The following RERE variants were observed in gnomAD, a reference collection of about 807,000 sequenced individuals.
RERE encodes the protein arginine-glutamic acid dipeptide repeats protein.
Under a neutral mutation model 146.1 loss-of-function variants are expected in RERE, and 40 were observed. The ratio of observed to expected loss-of-function variants is 0.27; its 90% confidence interval spans 0.21 to 0.36. The LOEUF (loss-of-function observed/expected upper bound fraction) is 0.36, where lower values mean the gene tolerates loss of function less well. Ranked by LOEUF, RERE falls within the 10% of genes least tolerant of loss-of-function variation. The pLI is 1.00. For synonymous variants in RERE, 1,003 were observed against 866.0 expected (o/e 1.16, Z -2.78); for missense variants, 1,933 against 2,138.7 (o/e 0.90, Z 1.90).
At chr1:8,761,240 G>GT (rs2124531108) in intron 1 of RERE, among the ~76,000 whole-genome samples, 1 of 152,308 alleles carries the variant, frequency 6.6e-6, no homozygotes, top group African/African-American at 2.4e-5. Flanking sequence ...GTTTTGCAAT[G>GT]TGACAAACTT....
At position 8,668,924 on chromosome 1, in the gene RERE, C is replaced by CTGTGTGTGTGTGTGTGTGTGTG. The variant is rs58718828; in HGVS notation, c.-144-12505_-144-12484dup. 5.9e-4 allele frequency among the ~76,000 whole-genome samples: 49 copies of CTGTGTGTGTGTGTGTGTGTGTG among 83,490 alleles called. 4 individuals are homozygous for CTGTGTGTGTGTGTGTGTGTGTG. Among genetic ancestry groups the CTGTGTGTGTGTGTGTGTGTGTG allele is most frequent in the South Asian group, 1.6e-3 (4 of 2,432 alleles). The allele number at this position is 83,490 out of a possible 152,430, so 54.8% of individuals were successfully genotyped here. ...TGAATATTCTAAAATGCACTAAACT[C>CTGTGTGTGTGTGTGTGTGTGTG]TGTGTGTGTGTGTGTGTGTGTGTGT... is the stretch of plus-strand genomic sequence containing the variant. On this transcript the variant is annotated intron_variant, in intron 1 of 22. Transcript: ENST00000400908.
intron 12 of RERE, among the ~76,000 whole-genome samples, chr1:8,389,462 G>A (rs960145705): frequency 6.6e-6 from 1 of 152,126 alleles, no homozygotes; most frequent in Admixed American, 6.6e-5. Context: ...CTGCTGCTGT[G>A]CGGCTCAGTG....
chr1:8,662,901 C>T (rs1187294658), intron 1 of RERE, among the ~76,000 whole-genome samples: 1 of 152,136 alleles, frequency 6.6e-6, no homozygotes, highest in Admixed American at 6.5e-5. Context: ...ACCTATTTCA[C>T]AATGCTGCTG....
At chr1:8,533,900 G>C (rs541947664) in intron 7 of RERE, among the ~76,000 whole-genome samples, 4 of 152,204 alleles carry the variant, frequency 2.6e-5, no homozygotes, top group Non-Finnish European at 5.9e-5. Flanking sequence ...ATGAAAAACA[G>C]GCTTTTGTCC....
intron 4 of RERE, among the ~76,000 whole-genome samples, chr1:8,611,204 C>T (rs1191779694): frequency 6.8e-6 from 1 of 146,470 alleles, no homozygotes; most frequent in Non-Finnish European, 1.5e-5. Flanking sequence ...CAAAAAACAA[C>T]AACAACAAAA....
At position 8,364,199 on chromosome 1, in the gene RERE, G is replaced by A. The variant is rs753832179; in HGVS notation, c.1597C>T (p.Arg533Cys). The change falls in exon 15 of 23, where the codon CGC (arginine) becomes TGC (cysteine). Residue 533 changes from arginine to cysteine, a missense_variant. This residue lies in a region of RERE where 260 missense variants were observed against 378.4 expected (regional missense o/e 0.69). Transcript: ENST00000400908. The surrounding 1 kb of genome is among the most constrained non-coding windows in gnomAD (Gnocchi z 5.1). Reference protein sequence around the residue: ...RENILLCTDCRIHFKKYGELP... With the variant: ...RENILLCTDCCIHFKKYGELP... ...TCACCGTATTTCTTGAAGTGGATGC[G>A]ACAGTCGGTGCAAAGCAGGATGTTC... 1.2e-6 allele frequency: 2 copies of A among 1,614,186 alleles called. No homozygotes were observed. The highest frequency in any genetic ancestry group is 1.7e-6 in the Non-Finnish European group (2 of 1,180,020).
At chr1:8,769,160 T>C (rs559127403) in intron 1 of RERE, among the ~76,000 whole-genome samples, 4 of 152,324 alleles carry the variant, frequency 2.6e-5, no homozygotes, top group African/African-American at 9.6e-5. Context: ...GAGTAAATGT[T>C]TTTTACCCAA....
intron 1 of RERE, among the ~76,000 whole-genome samples, chr1:8,732,868 C>T (rs556743150): frequency 8.4e-6 from 1 of 118,390 alleles, no homozygotes; most frequent in East Asian, 2.9e-4. Flanking sequence ...GTCACCCAGG[C>T]TGGAGTGCAG....
chr1:8,687,128 T>C (rs1400233106), intron 1 of RERE, among the ~76,000 whole-genome samples: 2 of 152,274 alleles, frequency 1.3e-5, no homozygotes, highest in South Asian at 2.1e-4. Flanking sequence ...TGTTTTAAGA[T>C]TGGAGAAAAG....
At chr1:8,362,613 GAATACCAGC>G (rs1399670240) in intron 16 of RERE, 61 bp downstream of exon 16, 1 of 1,586,602 alleles carries the variant, frequency 6.3e-7, no homozygotes, top group Non-Finnish European at 8.6e-7. Flanking sequence ...AGCTGATCAC[GAATACCAGC>G]AAACCAGTTT....
At chr1:8,508,004 G>T (rs931247302) in intron 8 of RERE, among the ~76,000 whole-genome samples, 2 of 152,122 alleles carry the variant, frequency 1.3e-5, no homozygotes, top group Admixed American at 1.3e-4. Flanking sequence ...CTTCCAAAGT[G>T]CTGGGATTAC....
At chr1:8,688,399 T>C (rs1639136885) in intron 1 of RERE, among the ~76,000 whole-genome samples, 1 of 151,928 alleles carries the variant, frequency 6.6e-6, no homozygotes. Flanking sequence ...CCGTCTCTAC[T>C]AAAAATACAA....
At chr1:8,747,374 G>A (rs1005029770) in intron 1 of RERE, among the ~76,000 whole-genome samples, 3 of 152,150 alleles carry the variant, frequency 2.0e-5, no homozygotes, top group African/African-American at 7.2e-5. Flanking sequence ...GGGCATGGAA[G>A]TGGGAGGTGG....
Position 8,514,730 on chromosome 1 carries a change from C to CA in RERE, c.831-6056dup, listed in dbSNP as rs202000113. Among the ~76,000 whole-genome samples the CA allele has an allele frequency of 2.7e-3, 368 of 136,966 alleles. 2 individuals carry two copies. Among genetic ancestry groups the CA allele is most frequent in the Non-Finnish European group, 4.2e-3 (264 of 62,764 alleles). The allele number at this position is 136,966 out of a possible 152,430, so 89.9% of individuals were successfully genotyped here. On this transcript the variant is annotated intron_variant, in intron 7 of 22. Transcript: ENST00000400908. ...GCAAAAAAAGAATGAAACTCCGCCT[C>CA]AAAAAAAAAGAAAGAAAAGAAAAGA...
chr1:8,465,411 G>A, intron 11 of RERE: 1 of 271,696 alleles, frequency 3.7e-6, no homozygotes, highest in South Asian at 3.8e-5. Flanking sequence ...ACCAAGCCAA[G>A]CATGGTAGAG....
intron 2 of RERE, among the ~76,000 whole-genome samples, chr1:8,650,277 A>G (rs1271715620): frequency 1.3e-5 from 2 of 152,204 alleles, no homozygotes; most frequent in Non-Finnish European, 1.5e-5. Context: ...TGGGACAGAA[A>G]AGTATGATTA....
At chr1:8,366,326 C>T (rs1049948285) in intron 12 of RERE, among the ~76,000 whole-genome samples, 5 of 152,238 alleles carry the variant, frequency 3.3e-5, no homozygotes, top group African/African-American at 7.2e-5. Context: ...TTCCTGCCCA[C>T]GAGGAGCTTA....
intron 1 of RERE, among the ~76,000 whole-genome samples, chr1:8,800,382 TA>T (rs1347238913): frequency 6.6e-6 from 1 of 152,114 alleles, no homozygotes; most frequent in African/African-American, 2.4e-5. Flanking sequence ...GTTTTAAAAA[TA>T]AATGACACTC....
At chr1:8,472,105 C>G (rs1285333721) in intron 10 of RERE, among the ~76,000 whole-genome samples, 1 of 152,184 alleles carries the variant, frequency 6.6e-6, no homozygotes, top group Non-Finnish European at 1.5e-5. Flanking sequence ...AGTCACTGCA[C>G]CCAGCCAAAG....
Sources: gnomAD v4.1 joint callset for allele counts (sites outside exome capture counted in the v4.1 genomes callset) on GRCh38, gnomAD v4.1.1 for gene constraint, gnomAD v4.1.1 regional missense constraint, Gnocchi (gnomAD v3.1) non-coding constraint, MANE v1.5 for transcripts, NCBI Gene and HGNC (gene_info 2026-07-23, HGNC 2026-07-21) for gene names.